The following SLC24A2 variants were observed in gnomAD, a reference collection of about 807,000 sequenced individuals.
SLC24A2 encodes solute carrier family 24 member 2.
Under a neutral mutation model 62.0 loss-of-function variants are expected in SLC24A2, and 36 were observed. The observed-to-expected ratio is 0.58, with a 90% CI of 0.44 to 0.77. The LOEUF is 0.77. Ranked by LOEUF, SLC24A2 falls within the 30% of genes least tolerant of loss-of-function variation. The pLI, the probability that SLC24A2 is intolerant of heterozygous loss-of-function variation, is 0.00. For missense variants in SLC24A2, 846 were observed against 817.9 expected (o/e 1.03, Z -0.42); for synonymous variants, 358 against 294.0 (o/e 1.22, Z -2.23).
the SLC24A2 span, among the ~76,000 whole-genome samples, chr9:19,974,073 A>T: frequency 1.3e-5 from 2 of 152,128 alleles, no homozygotes; most frequent in Non-Finnish European, 2.9e-5. Flanking sequence ...GTCAAATTAG[A>T]TTATGTAATA....
At chr9:20,295,705 C>A in the SLC24A2 span, among the ~76,000 whole-genome samples, 1 of 152,216 alleles carries the variant, frequency 6.6e-6, no homozygotes, top group African/African-American at 2.4e-5. Context: ...CTGGGACTTA[C>A]ACCAGTGGCA....
At chr9:19,639,389 G>A (rs1818437273) in intron 2 of SLC24A2, among the ~76,000 whole-genome samples, 1 of 152,164 alleles carries the variant, frequency 6.6e-6, no homozygotes, top group African/African-American at 2.4e-5. Flanking sequence ...TTGGGCAACA[G>A]AATATGGTGG....
At chr9:19,790,179 T>A (rs1229947919), upstream of SLC24A2, among the ~76,000 whole-genome samples, 4 of 152,276 alleles carry the variant, frequency 2.6e-5, no homozygotes, top group East Asian at 3.9e-4. Flanking sequence ...CTAGCCATCC[T>A]CCAGCCTCAG....
the SLC24A2 span, among the ~76,000 whole-genome samples, chr9:20,096,093 G>A: frequency 0.059 from 7,301 of 124,300 alleles, 281 homozygotes; most frequent in African/African-American, 0.13. Flanking sequence ...CCATCCGTCC[G>A]TCCGTCCGTC....
the SLC24A2 span, chr9:19,926,458 G>T: frequency 6.6e-6 from 1 of 152,276 alleles, no homozygotes; most frequent in Non-Finnish European, 1.5e-5. Context: ...TTCGCTCCCA[G>T]ATGCTTCGCC....
At chr9:20,016,812 A>G in the SLC24A2 span, among the ~76,000 whole-genome samples, 40 of 152,184 alleles carry the variant, frequency 2.6e-4, no homozygotes, top group Non-Finnish European at 8.8e-5. Flanking sequence ...TTCTCTGAAG[A>G]GGAGAGTGAA....
the SLC24A2 span, among the ~76,000 whole-genome samples, chr9:20,054,636 T>G: frequency 2.6e-5 from 4 of 152,320 alleles, no homozygotes; most frequent in Admixed American, 2.0e-4. Context: ...CTTATGCCTT[T>G]GCATTCTCAT....
At chr9:19,934,718 C>A in the SLC24A2 span, among the ~76,000 whole-genome samples, 1 of 152,226 alleles carries the variant, frequency 6.6e-6, no homozygotes, top group Non-Finnish European at 1.5e-5. The surrounding 1 kb of genome is among the most constrained non-coding windows in gnomAD (Gnocchi z 4.1). Context: ...ACGTTCCCTA[C>A]GCTTCCCGGA....
At chr9:20,276,999 T>G in the SLC24A2 span, among the ~76,000 whole-genome samples, 1 of 152,224 alleles carries the variant, frequency 6.6e-6, no homozygotes, top group Non-Finnish European at 1.5e-5. Context: ...AAGGGCTGCC[T>G]TGAAGTTCAC....
chr9:19,707,350 C>T (rs1820562972), intron 2 of SLC24A2, among the ~76,000 whole-genome samples: 2 of 152,206 alleles, frequency 1.3e-5, no homozygotes, highest in Admixed American at 1.3e-4. Flanking sequence ...GGTACCATTC[C>T]TTCTGAAACT....
At chr9:20,289,744 A>G in the SLC24A2 span, among the ~76,000 whole-genome samples, 29,230 of 152,014 alleles carry the variant, frequency 0.19, 4,168 homozygotes, top group African/African-American at 0.39. Flanking sequence ...CCCATCCACT[A>G]GGCCCCAAAA....
At chr9:20,220,475 T>G in the SLC24A2 span, among the ~76,000 whole-genome samples, 1 of 152,186 alleles carries the variant, frequency 6.6e-6, no homozygotes, top group Non-Finnish European at 1.5e-5. Context: ...GACCACTTCC[T>G]GGATCAGAAA....
At chr9:20,160,853 C>G in the SLC24A2 span, among the ~76,000 whole-genome samples, 1 of 143,496 alleles carries the variant, frequency 7.0e-6, no homozygotes, top group African/African-American at 2.5e-5. Context: ...AAGCCTAAAA[C>G]AGAAAAAAAA....
At chr9:20,043,122 T>G in the SLC24A2 span, among the ~76,000 whole-genome samples, 2 of 152,130 alleles carry the variant, frequency 1.3e-5, no homozygotes, top group African/African-American at 4.8e-5. Context: ...TGATTAAGCT[T>G]AGTGAGGAAG....
At chr9:19,989,653 C>T in the SLC24A2 span, among the ~76,000 whole-genome samples, 92 of 152,296 alleles carry the variant, frequency 6.0e-4, no homozygotes, top group African/African-American at 2.1e-3. Flanking sequence ...TTAATCTGAT[C>T]CCTCTGTCAA....
intron 9 of SLC24A2, among the ~76,000 whole-genome samples, chr9:19,524,309 C>A (rs1234940822): frequency 6.6e-6 from 1 of 150,666 alleles, no homozygotes; most frequent in Non-Finnish European, 1.5e-5. Context: ...AAATTAATTT[C>A]TAATATTAGA....
chr9:19,778,693 A>G (rs1822917471), intron 2 of SLC24A2, among the ~76,000 whole-genome samples: 1 of 152,196 alleles, frequency 6.6e-6, no homozygotes, highest in Non-Finnish European at 1.5e-5. Context: ...CGGACCTTTG[A>G]CAGGAGAGCA....
the SLC24A2 span, among the ~76,000 whole-genome samples, chr9:20,180,350 T>C: frequency 6.6e-6 from 1 of 152,190 alleles, no homozygotes; most frequent in Non-Finnish European, 1.5e-5. Flanking sequence ...TAAATGGATG[T>C]CTTATTTAAA....
the SLC24A2 span, among the ~76,000 whole-genome samples, chr9:20,029,720 G>A: frequency 1.3e-5 from 2 of 152,198 alleles, no homozygotes; most frequent in East Asian, 1.9e-4. Flanking sequence ...TTACAAAGGT[G>A]GAAATGGGAT....
Sources: gnomAD v4.1 joint callset for allele counts (sites outside exome capture counted in the v4.1 genomes callset) on GRCh38, gnomAD v4.1.1 for gene constraint, Gnocchi (gnomAD v3.1) non-coding constraint, MANE v1.5 for transcripts, NCBI Gene and HGNC (gene_info 2026-07-23, HGNC 2026-07-21) for gene names.